FKBP5: variants seen among roughly 807,000 people sequenced by gnomAD.
FKBP5 encodes FKBP prolyl isomerase 5, also known as peptidyl-prolyl cis-trans isomerase FKBP5.
FKBP5 carries 23 observed loss-of-function variants against 50.5 expected under a neutral mutation model. That is an observed-to-expected ratio of 0.46 (90% CI 0.33 to 0.65). The LOEUF (loss-of-function observed/expected upper bound fraction) is 0.65, where lower values mean the gene tolerates loss of function less well. FKBP5 is among the 30% of genes least tolerant of loss of function. The pLI is 0.02. For synonymous variants in FKBP5, 176 were observed against 190.6 expected, an observed-to-expected ratio of 0.92 and a Z score of 0.63; for missense variants, 411 against 553.1, an observed-to-expected ratio of 0.74 and a Z score of 2.58.
At chr6:35,578,830 T>C (rs1762317885) in intron 9 of FKBP5, among the ~76,000 whole-genome samples, 1 of 151,204 alleles carries the variant, frequency 6.6e-6, no homozygotes. Context: ...ATAGGGTTAA[T>C]AGTGATGCTA....
At chr6:35,713,783 C>T (rs778707853) in intron 2 of FKBP5, among the ~76,000 whole-genome samples, 15 of 152,198 alleles carry the variant, frequency 9.9e-5, no homozygotes, top group Non-Finnish European at 1.9e-4. Context: ...CCTGCCTCTC[C>T]GGACTCACAC....
intron 1 of FKBP5, among the ~76,000 whole-genome samples, chr6:35,646,961 A>C (rs903788285): frequency 6.6e-6 from 1 of 152,254 alleles, no homozygotes; most frequent in African/African-American, 2.4e-5. Flanking sequence ...AAGTCATTTT[A>C]AAGCCATATC....
At chr6:35,723,426 G>A (rs1321785855) in intron 1 of FKBP5, among the ~76,000 whole-genome samples, 1 of 152,124 alleles carries the variant, frequency 6.6e-6, no homozygotes, top group Non-Finnish European at 1.5e-5. Context: ...GCAAGGTGAG[G>A]CATAGGGCGT....
chr6:35,701,659 C>A (rs553643945), intron 2 of FKBP5, among the ~76,000 whole-genome samples: 1 of 152,256 alleles, frequency 6.6e-6, no homozygotes, highest in South Asian at 2.1e-4. Flanking sequence ...CCCACCTCAG[C>A]CTCCTGAGTA....
At chr6:35,667,255 G>A (rs1010229181) in intron 1 of FKBP5, among the ~76,000 whole-genome samples, 3 of 152,098 alleles carry the variant, frequency 2.0e-5, no homozygotes, top group African/African-American at 7.2e-5. Flanking sequence ...ACACTTACTA[G>A]GCGTCAAGCA....
At chr6:35,597,152 A>T in intron 6 of FKBP5, 96 bp downstream of exon 6, 1 of 1,323,698 alleles carries the variant, frequency 7.6e-7, no homozygotes, top group Non-Finnish European at 1.1e-6. Flanking sequence ...TTGTTGGATT[A>T]ACTTCACTGA....
At chr6:35,585,648 T>C (rs1762575899) in intron 8 of FKBP5, 1 of 928,536 alleles carries the variant, frequency 1.1e-6, no homozygotes, top group South Asian at 5.0e-5. Flanking sequence ...AAATAACATA[T>C]TTATATATTT....
intron 2 of FKBP5, among the ~76,000 whole-genome samples, chr6:35,709,417 T>C (rs992151178): frequency 6.6e-6 from 1 of 152,204 alleles, no homozygotes; most frequent in African/African-American, 2.4e-5. Flanking sequence ...AGTATGATAC[T>C]ATTTTTGGAA....
intron 2 of FKBP5, among the ~76,000 whole-genome samples, chr6:35,716,078 G>A (rs565090350): frequency 3.6e-4 from 55 of 152,164 alleles, no homozygotes; most frequent in Non-Finnish European, 4.7e-4. Flanking sequence ...TAGTTACCAA[G>A]ATAGGGGAGA....
intron 1 of FKBP5, among the ~76,000 whole-genome samples, chr6:35,652,689 A>T (rs978253657): frequency 2.6e-5 from 4 of 152,134 alleles, no homozygotes; most frequent in Non-Finnish European, 4.4e-5. Flanking sequence ...TAGCAATTTT[A>T]ATTTCGCCTC....
At chr6:35,607,425 A>G (rs1413043012) in intron 5 of FKBP5, among the ~76,000 whole-genome samples, 1 of 151,252 alleles carries the variant, frequency 6.6e-6, no homozygotes, top group South Asian at 2.1e-4. Flanking sequence ...TTTGGTCTTA[A>G]ACTCCTGGGC....
intron 1 of FKBP5, among the ~76,000 whole-genome samples, chr6:35,656,971 G>C (rs1290403462): frequency 1.3e-5 from 2 of 151,698 alleles, no homozygotes; most frequent in African/African-American, 2.4e-5. Context: ...TAGCACTTTG[G>C]GAGGCTGAGG....
intron 3 of FKBP5, among the ~76,000 whole-genome samples, chr6:35,628,879 G>A (rs1370266418): frequency 6.6e-6 from 1 of 152,156 alleles, no homozygotes; most frequent in Non-Finnish European, 1.5e-5. Flanking sequence ...CACCACACCA[G>A]CTAATTTTTG....
At chr6:35,701,310 C>A (rs561841932) in intron 2 of FKBP5, among the ~76,000 whole-genome samples, 1 of 145,592 alleles carries the variant, frequency 6.9e-6, no homozygotes, top group East Asian at 2.1e-4. Flanking sequence ...GTGGCGGGAT[C>A]TCGGCTCACT....
Position 35,575,487 on chromosome 6 carries a change from A to G in FKBP5, c.*348T>C, listed in dbSNP as rs1762182976. ...TGCAGTGCTATGAAAGTTCAAAGGT[A>G]AAACCTAACAGCCCCACATTGTTAG... is the stretch of plus-strand genomic sequence containing the variant. On this transcript the variant is annotated 3_prime_UTR_variant, in exon 11 of 11. Coordinates refer to ENST00000357266, the MANE Select transcript of FKBP5 (RefSeq NM_004117.4). 4.6e-6 allele frequency: 1 copy of G among 217,830 alleles called. No individual in the cohort carries two copies. Among genetic ancestry groups the G allele is most frequent in the Non-Finnish European group, 9.3e-6 (1 of 107,558 alleles). 13.5% of individuals were successfully genotyped at this position (217,830 alleles called of 1,614,324 possible). A position where few individuals can be genotyped will look rare whatever the true frequency, so the allele number is the denominator to read the frequency against.
chr6:35,585,362 A>G, intron 8 of FKBP5: 1 of 977,908 alleles, frequency 1.0e-6, no homozygotes, highest in Non-Finnish European at 1.2e-6. Flanking sequence ...AGAAGTATCC[A>G]ATATACCTCA....
chr6:35,591,601 G>T (rs970235437), intron 6 of FKBP5, among the ~76,000 whole-genome samples: 1 of 151,744 alleles, frequency 6.6e-6, no homozygotes, highest in African/African-American at 2.4e-5. Flanking sequence ...AGTTTTATCA[G>T]CAAAAAGGAC....
At chr6:35,679,923 T>C (rs1217058923) in intron 1 of FKBP5, among the ~76,000 whole-genome samples, 51 of 152,070 alleles carry the variant, frequency 3.4e-4, no homozygotes, top group Admixed American at 3.3e-3. Context: ...AATAAAAATA[T>C]ATTAAATTTA....
At chr6:35,616,330 A>AAAAAAAAAAG in intron 5 of FKBP5, among the ~76,000 whole-genome samples, 1 of 151,324 alleles carries the variant, frequency 6.6e-6, no homozygotes, top group African/African-American at 2.4e-5. Context: ...AAAAAAAAAA[A>AAAAAAAAAAG]AAAAAAAAAG....
Sources: allele counts gnomAD v4.1 joint callset (sites outside exome capture counted in the v4.1 genomes callset), GRCh38; gene constraint gnomAD v4.1.1; transcripts MANE v1.5; gene names NCBI Gene and HGNC (gene_info 2026-07-23, HGNC 2026-07-21).